Variants in AGO3 observed in about 807,000 individuals in gnomAD.
AGO3 encodes protein argonaute-3.
A neutral mutation model predicts 105.5 loss-of-function variants in AGO3; 16 were observed. The ratio of observed to expected loss-of-function variants is 0.15; its 90% CI spans 0.10 to 0.23. The LOEUF (loss-of-function observed/expected upper bound fraction) is 0.23. AGO3 is among the 10% of genes least tolerant of loss of function. The pLI is 1.00. For missense variants in AGO3, 534 were observed against 1,088.0 expected, an observed-to-expected ratio of 0.49 and a Z score of 7.16; for synonymous variants, 340 against 367.3, an observed-to-expected ratio of 0.93 and a Z score of 0.85.
At chr1:36,020,542 T>G (rs79778038) in intron 11 of AGO3, among the ~76,000 whole-genome samples, 2,321 of 152,290 alleles carry the variant, frequency 0.015, 50 homozygotes, top group African/African-American at 0.053. Context: ...TCTTTTCCAT[T>G]AACCTCCTTG....
In AGO3 at chr1:36,036,237, T is replaced by C. The variant is rs1186030423; in HGVS notation, c.1812T>C (p.Ala604=). The C allele has an allele frequency of 1.2e-6, 2 of 1,614,044 alleles. No homozygotes were observed. The highest frequency in any genetic ancestry group is 1.3e-5 in the African/African-American group (1 of 74,944). Residue 604 remains alanine (A), a synonymous_variant, in exon 14 of 19, where the codon GCT becomes GCC. Coordinates refer to ENST00000373191, the MANE Select transcript of AGO3 (RefSeq NM_024852.4). ...FLGADVTHPP[A]GDGKKPSIAA... ...GAGCCGATGTCACTCATCCACCTGC[T>C]GGTGATGGAAAGAAGCCTTCTATTG...
chr1:36,054,035 C>T (rs892921352), intron 17 of AGO3, among the ~76,000 whole-genome samples: 1 of 151,872 alleles, frequency 6.6e-6, no homozygotes, highest in Non-Finnish European at 1.5e-5. Flanking sequence ...TGAGGTCTTC[C>T]TATGTTGCCT....
At chr1:36,052,643 G>A (rs1388760875) in intron 17 of AGO3, among the ~76,000 whole-genome samples, 1 of 151,996 alleles carries the variant, frequency 6.6e-6, no homozygotes, top group African/African-American at 2.4e-5. Flanking sequence ...ATATTACACT[G>A]TACCTCATAA....
At chr1:35,943,149 G>A (rs1646288560) in intron 1 of AGO3, among the ~76,000 whole-genome samples, 2 of 151,832 alleles carry the variant, frequency 1.3e-5, no homozygotes, top group Middle Eastern at 3.4e-3. Context: ...GGCTACAGGT[G>A]CACACAACCA....
At chr1:35,973,334 T>C (rs755135833) in intron 4 of AGO3, 41 bp from the exon 5 acceptor site, 7 of 1,413,340 alleles carry the variant, frequency 5.0e-6, no homozygotes, top group Non-Finnish European at 6.6e-6. Context: ...AATACTTGCA[T>C]GAGAAGGAAA....
chr1:35,931,697 A>G (rs1253099382), intron 1 of AGO3, among the ~76,000 whole-genome samples: 1 of 152,202 alleles, frequency 6.6e-6, no homozygotes, highest in Non-Finnish European at 1.5e-5. Flanking sequence ...TCTAGGCGGC[A>G]TTACTCTTTG....
rs193255754 is a variant in AGO3 at position 36,045,387 on chromosome 1, A to T, written c.2274+1839A>T. The stretch of plus-strand genomic sequence containing the variant: ...CAGGCACCCACCACCATGCCGAGCT[A>T]ATTTTTGCATTTTTAGTAGAGATGG... On this transcript the variant is annotated intron_variant, in intron 17 of 18. Transcript: ENST00000373191. 3.2e-3 allele frequency among the ~76,000 whole-genome samples: 481 copies of T among 151,838 alleles called. 2 individuals are homozygous for T. Among genetic ancestry groups the T allele is most frequent in the African/African-American group, 0.011 (464 of 41,382 alleles).
intron 5 of AGO3, among the ~76,000 whole-genome samples, chr1:35,986,346 A>G (rs1175107724): frequency 6.6e-6 from 1 of 152,244 alleles, no homozygotes; most frequent in Non-Finnish European, 1.5e-5. Flanking sequence ...TGTACTACAT[A>G]ACAGTTAAAT....
Position 36,027,361 on chromosome 1 carries a change from A to G in AGO3, c.1591+63A>G, listed in dbSNP as rs1641550836. ...TTGATGTCCTTTTAGGATTATACTG[A>G]AACATATCCTAAAACTTTCAAATAT... On this transcript the variant is annotated intron_variant, in intron 12 of 18. Transcript: ENST00000373191. The surrounding 1 kb of genome is among the most constrained non-coding windows in gnomAD (Gnocchi z 4.0). The G allele has an allele frequency of 2.2e-6, 3 of 1,381,502 alleles. No homozygotes were observed. The highest frequency in any genetic ancestry group is 2.9e-6 in the Non-Finnish European group (3 of 1,028,872). The allele number at this position is 1,381,502 out of a possible 1,614,324, so 85.6% of individuals were successfully genotyped here. A position where few individuals can be genotyped will look rare whatever the true frequency, so the allele number is the denominator to read the frequency against.
chr1:36,006,698 T>C (rs1444938999), intron 6 of AGO3, among the ~76,000 whole-genome samples: 11 of 152,210 alleles, frequency 7.2e-5, no homozygotes, highest in Non-Finnish European at 1.5e-4. Flanking sequence ...AGTAATTCTC[T>C]AGTTGATCTG....
In AGO3 at chr1:36,072,041, C is replaced by T. The variant is rs888548115; in HGVS notation, c.*16296C>T. 1.3e-5 allele frequency: 2 copies of T among 152,062 alleles called. No individual in the cohort carries two copies. Among genetic ancestry groups the T allele is most frequent in the African/African-American group, 4.8e-5 (2 of 41,386 alleles). 9.4% of individuals were successfully genotyped at this position (152,062 alleles called of 1,614,324 possible). A position where few individuals can be genotyped will look rare whatever the true frequency, so the allele number is the denominator to read the frequency against. Reference sequence around the variant, plus strand: ...CAAATAAAGTTTTTGAACAAAAGTCCTTGTTTTCAGTATTTAAAATTTGGT... The same window carrying T: ...CAAATAAAGTTTTTGAACAAAAGTCTTTGTTTTCAGTATTTAAAATTTGGT... On this transcript the variant is annotated 3_prime_UTR_variant, in exon 19 of 19. Coordinates refer to ENST00000373191, the MANE Select transcript of AGO3 (RefSeq NM_024852.4).
In AGO3 at chr1:36,013,932, A is replaced by C. The variant is rs900426923; in HGVS notation, c.1290A>C (p.Thr430=). The C allele has an allele frequency of 1.9e-6, 3 of 1,614,080 alleles. No individual in the cohort carries two copies. The highest frequency in any genetic ancestry group is 2.5e-6 in the Non-Finnish European group (3 of 1,180,008). The change falls in exon 11 of 19, where the codon ACA becomes ACC. Residue 430 remains threonine, a synonymous_variant. Coordinates refer to ENST00000373191, the MANE Select transcript of AGO3 (RefSeq NM_024852.4). ...QYGGRNRTVA[T]PSHGVWDMRG... ...TCGTGTAGAATCGGACAGTAGCAAC[A>C]CCGAGCCATGGAGTATGGGACATGC...
At chr1:35,946,823 C>A (rs1646374381) in intron 2 of AGO3, among the ~76,000 whole-genome samples, 1 of 152,142 alleles carries the variant, frequency 6.6e-6, no homozygotes, top group Non-Finnish European at 1.5e-5. Flanking sequence ...ACATGTAATG[C>A]AGAGTTCTTT....
intron 9 of AGO3, among the ~76,000 whole-genome samples, chr1:36,010,228 C>T (rs929907018): frequency 6.6e-5 from 10 of 151,878 alleles, no homozygotes; most frequent in East Asian, 3.9e-4. Flanking sequence ...CGTGAGCCAC[C>T]GCACCCGGCC....
intron 5 of AGO3, among the ~76,000 whole-genome samples, chr1:35,980,990 C>CT (rs894840434): frequency 1.3e-4 from 20 of 152,110 alleles, no homozygotes; most frequent in Middle Eastern, 3.4e-3. Flanking sequence ...TCTTAAAATT[C>CT]TTTTTCTCCC....
chr1:36,027,341 G>A lies in AGO3; in HGVS notation c.1591+43G>A, dbSNP rs1479035227. ...CTGCATTTTTCCTCAAGTACTTGAT[G>A]TCCTTTTAGGATTATACTGAAACAT... On this transcript the variant is annotated intron_variant, in intron 12 of 18. Transcript: ENST00000373191. This position sits in a 1 kb window ranked among gnomAD's most constrained non-coding sequence, Gnocchi z 4.0. 2.0e-6 allele frequency: 3 copies of A among 1,514,210 alleles called. No individual in the cohort carries two copies. The highest frequency in any genetic ancestry group is 2.8e-5 in the African/African-American group (2 of 72,088). The allele number at this position is 1,514,210 out of a possible 1,614,324, so 93.8% of individuals were successfully genotyped here.
rs1260109308 is a variant in AGO3, at chr1:36,008,678, T to C, written c.794-12T>C. 6.2e-7 allele frequency: 1 copy of C among 1,613,510 alleles called. No individual in the cohort carries two copies. Among genetic ancestry groups the C allele is most frequent in the African/African-American group, 1.3e-5 (1 of 74,900 alleles). ...ACAGTTCTGTAACCTCCATTTTTCT[T>C]GTTGGGAACAGGTTTGAAGGTTGAA... On this transcript the variant is annotated splice_polypyrimidine_tract_variant and intron_variant, in intron 6 of 18. Transcript: ENST00000373191. The surrounding 1 kb of genome is among the most constrained non-coding windows in gnomAD (Gnocchi z 5.1).
intron 3 of AGO3, among the ~76,000 whole-genome samples, chr1:35,968,225 C>T (rs958272641): frequency 2.0e-5 from 3 of 152,054 alleles, no homozygotes; most frequent in Non-Finnish European, 4.4e-5. Flanking sequence ...TCTTTTCCTC[C>T]TTGTAGTTAA....
At chr1:35,997,058 G>A (rs1342432778) in intron 5 of AGO3, among the ~76,000 whole-genome samples, 2 of 152,032 alleles carry the variant, frequency 1.3e-5, no homozygotes, top group South Asian at 2.1e-4. Flanking sequence ...CAGGCAGATC[G>A]CTTGAGGTCA....
Sources: allele counts gnomAD v4.1 joint callset (sites outside exome capture counted in the v4.1 genomes callset), GRCh38; gene constraint gnomAD v4.1.1; non-coding constraint Gnocchi (gnomAD v3.1); transcripts MANE v1.5; gene names NCBI Gene and HGNC (gene_info 2026-07-23, HGNC 2026-07-21).